TGM4: variants seen among roughly 807,000 people sequenced by gnomAD.
TGM4 encodes protein-glutamine gamma-glutamyltransferase 4.
Under a neutral mutation model 76.3 loss-of-function variants are expected in TGM4, and 61 were observed. That is an observed-to-expected ratio of 0.80 (90% CI 0.65 to 0.99). The LOEUF is 0.99. Among genes scored for constraint, TGM4 ranks in the 50% least tolerant of loss-of-function variants. TGM4 has a pLI of 0.00. For synonymous variants in TGM4, 337 were observed against 329.8 expected (o/e 1.02, Z -0.24); for missense variants, 794 against 843.2 (o/e 0.94, Z 0.72).
chr3:44,893,456 G>A (rs867324723), intron 4 of TGM4, 121 bp from the exon 5 acceptor site: 1 of 816,462 alleles, frequency 1.2e-6, no homozygotes, highest in East Asian at 2.5e-5. Flanking sequence ...CCCCAACATT[G>A]GGTGTTCCAA....
intron 3 of TGM4, among the ~76,000 whole-genome samples, chr3:44,889,979 G>A (rs548213434): frequency 6.6e-6 from 1 of 152,270 alleles, no homozygotes; most frequent in African/African-American, 2.4e-5. Context: ...GGACACCTCA[G>A]GAAACTTACA....
Position 44,890,598 on chromosome 3 carries a change from C to T in TGM4, c.301-5C>T. On this transcript the variant is annotated splice_region_variant and splice_polypyrimidine_tract_variant and intron_variant, in intron 3 of 13. Coordinates refer to ENST00000296125, the MANE Select transcript of TGM4 (RefSeq NM_003241.4). Reference sequence around the variant, plus strand: ...GATGTCCACCTTATCTTATGGTTTGCTCAGGTCACAGTGGCTGTCACCAGT... The same window carrying T: ...GATGTCCACCTTATCTTATGGTTTGTTCAGGTCACAGTGGCTGTCACCAGT... 1 of 1,613,718 alleles carries T rather than the reference C, an allele frequency of 6.2e-7. No homozygotes were observed. Among genetic ancestry groups the T allele is most frequent in the Non-Finnish European group, 8.5e-7 (1 of 1,179,760 alleles).
At chr3:44,875,992 G>C (rs1699447283) in intron 1 of TGM4, among the ~76,000 whole-genome samples, 1 of 152,178 alleles carries the variant, frequency 6.6e-6, no homozygotes, top group African/African-American at 2.4e-5. Context: ...GTGGCTTTGG[G>C]CAGGTTACAT....
chr3:44,875,162 A>G (rs1286816956), intron 1 of TGM4, among the ~76,000 whole-genome samples: 2 of 152,220 alleles, frequency 1.3e-5, no homozygotes, highest in Non-Finnish European at 2.9e-5. Flanking sequence ...CACCATTTCA[A>G]TACTGTTATC....
At chr3:44,891,031 C>G (rs1027255162) in intron 4 of TGM4, among the ~76,000 whole-genome samples, 4 of 152,212 alleles carry the variant, frequency 2.6e-5, no homozygotes, top group African/African-American at 9.6e-5. Flanking sequence ...GAGGGGCCAC[C>G]AAGGACTTCT....
chr3:44,891,802 A>G (rs1373668592), intron 4 of TGM4, among the ~76,000 whole-genome samples: 3 of 148,294 alleles, frequency 2.0e-5, no homozygotes, highest in Non-Finnish European at 1.5e-5. Context: ...GTGAAACCCC[A>G]TCTCTACTAA....
intron 11 of TGM4, 149 bp downstream of exon 11, chr3:44,910,517 T>C (rs934832430): frequency 1.9e-6 from 2 of 1,068,724 alleles, no homozygotes; most frequent in Admixed American, 5.8e-5. Flanking sequence ...TACCCCTTGG[T>C]AGTCACAAGA....
intron 5 of TGM4, among the ~76,000 whole-genome samples, chr3:44,893,954 A>ACCCCCCATG (rs1699740988): frequency 9.5e-5 from 1 of 10,568 alleles, no homozygotes; most frequent in Non-Finnish European, 2.0e-4. Flanking sequence ...CACCCCCCAC[A>ACCCCCCATG]GCTCTCTCCT....
rs1207593607 is a variant in TGM4, at chr3:44,910,081, CTCTT to C, written c.1328-6_1328-3del. ...CACCTGAAGGAAGCTGCCTTTGTGT[CTCTT>C]TCAGGCTCCTCTGAGGAGAGGCAGG... On this transcript the variant is annotated splice_region_variant and splice_polypyrimidine_tract_variant and intron_variant, in intron 10 of 13. Coordinates refer to ENST00000296125, the MANE Select transcript of TGM4 (RefSeq NM_003241.4). 1 of 1,609,720 alleles carries C rather than the reference CTCTT, an allele frequency of 6.2e-7. No individual in the cohort carries two copies. Among genetic ancestry groups the C allele is most frequent in the Admixed American group, 1.7e-5 (1 of 59,662 alleles).
chr3:44,908,134 T>C (rs1699950684), intron 10 of TGM4, among the ~76,000 whole-genome samples: 1 of 152,198 alleles, frequency 6.6e-6, no homozygotes. Flanking sequence ...AAGGTAGGCC[T>C]GCAGTAAATA....
chr3:44,887,375 G>C (rs1408940401), intron 2 of TGM4, among the ~76,000 whole-genome samples: 1 of 152,214 alleles, frequency 6.6e-6, no homozygotes, highest in Non-Finnish European at 1.5e-5. Context: ...GAGCCAGCAG[G>C]GTTAAACAAA....
intron 13 of TGM4, among the ~76,000 whole-genome samples, chr3:44,913,171 C>T (rs996688634): frequency 4.6e-5 from 7 of 152,314 alleles, no homozygotes; most frequent in South Asian, 2.1e-4. Context: ...GCTAGTATTG[C>T]GAAGCCCCAG....
chr3:44,885,595 T>G, intron 2 of TGM4, 97 bp downstream of exon 2: 1 of 1,315,330 alleles, frequency 7.6e-7, no homozygotes, highest in Non-Finnish European at 1.0e-6. Flanking sequence ...GAGCCAGGAG[T>G]GCCTTACCCT....
chr3:44,910,903 C>A (rs540095946), intron 11 of TGM4, 55 bp from the exon 12 acceptor site: 2 of 1,577,474 alleles, frequency 1.3e-6, no homozygotes, highest in Admixed American at 1.7e-5. Context: ...GAGGAGAACT[C>A]ATACTGGGGG....
At chr3:44,890,933 CCT>C (rs777524891) in intron 4 of TGM4, among the ~76,000 whole-genome samples, 1 of 152,158 alleles carries the variant, frequency 6.6e-6, no homozygotes, top group Non-Finnish European at 1.5e-5. Context: ...GTCCTTATTC[CCT>C]GTTTCCACTT....
intron 2 of TGM4, among the ~76,000 whole-genome samples, chr3:44,886,249 T>TAGG (rs139605031): frequency 0.59 from 89,046 of 151,558 alleles, 26,628 homozygotes; most frequent in East Asian, 0.9. Flanking sequence ...GAGGCTGAGG[T>TAGG]AGAATTGCTT....
chr3:44,877,593 TA>T (rs570036919), intron 1 of TGM4, among the ~76,000 whole-genome samples: 2,947 of 143,118 alleles, frequency 0.021, 63 homozygotes, highest in Middle Eastern at 0.054. Flanking sequence ...CTCTGTCTCT[TA>T]AAAAAAAAAA....
At chr3:44,876,687 G>T (rs1699455714) in intron 1 of TGM4, among the ~76,000 whole-genome samples, 1 of 152,130 alleles carries the variant, frequency 6.6e-6, no homozygotes, top group South Asian at 2.1e-4. Context: ...AGTAGAGAAG[G>T]TGTTACAAAG....
At chr3:44,884,335 G>A (rs1428212415) in intron 1 of TGM4, among the ~76,000 whole-genome samples, 5 of 152,152 alleles carry the variant, frequency 3.3e-5, no homozygotes, top group Non-Finnish European at 5.9e-5. Context: ...AAAGGGGAGG[G>A]GTTTGGGTCT....
Sources: gnomAD v4.1 joint callset for allele counts (sites outside exome capture counted in the v4.1 genomes callset) on GRCh38, gnomAD v4.1.1 for gene constraint, MANE v1.5 for transcripts, NCBI Gene and HGNC (gene_info 2026-07-23, HGNC 2026-07-21) for gene names.